PRKCA: variants seen among roughly 807,000 people sequenced by gnomAD.
PRKCA encodes protein kinase C alpha.
A neutral mutation model predicts 87.0 loss-of-function variants in PRKCA; 27 were observed. That is an observed-to-expected ratio of 0.31 (90% CI 0.23 to 0.43). PRKCA has a LOEUF of 0.43. Among genes scored for constraint, PRKCA ranks in the 20% least tolerant of loss-of-function variants. The pLI, the probability that PRKCA is intolerant of heterozygous loss-of-function variation, is 1.00. For synonymous variants in PRKCA, 329 were observed against 311.1 expected, an observed-to-expected ratio of 1.06 and a Z score of -0.61; for missense variants, 518 against 852.3, an observed-to-expected ratio of 0.61 and a Z score of 4.88.
chr17:66,535,934 A>C (rs1285688187), intron 3 of PRKCA, among the ~76,000 whole-genome samples: 3 of 152,238 alleles, frequency 2.0e-5, no homozygotes, highest in Non-Finnish European at 4.4e-5. Flanking sequence ...TCATGCCTGG[A>C]ACATACTGAA....
At chr17:66,620,896 G>C (rs1459004003) in intron 3 of PRKCA, among the ~76,000 whole-genome samples, 1 of 152,132 alleles carries the variant, frequency 6.6e-6, no homozygotes, top group Non-Finnish European at 1.5e-5. Flanking sequence ...TTTTATCATG[G>C]AGCATCTGAA....
chr17:66,639,381 A>C lies in PRKCA; in HGVS notation c.289-1974A>C, dbSNP rs538151013. 3.3e-5 allele frequency: 5 copies of C among 152,248 alleles called. No homozygotes were observed. In the South Asian group the frequency reaches 1.0e-3, roughly 32 times the overall value. The allele number at this position is 152,248 out of a possible 1,614,324, so 9.4% of individuals were successfully genotyped here. On this transcript the variant is annotated intron_variant, in intron 3 of 16. Transcript: ENST00000413366. ...CATCTAAGTAGAAGCTCAGAGCTCTACTATTATTTATTTATTTATTTTTTG... is the reference window on the plus strand; with the variant it reads ...CATCTAAGTAGAAGCTCAGAGCTCTCCTATTATTTATTTATTTATTTTTTG...
At chr17:66,414,447 G>A (rs1383222145) in intron 2 of PRKCA, among the ~76,000 whole-genome samples, 1 of 152,138 alleles carries the variant, frequency 6.6e-6, no homozygotes, top group African/African-American at 2.4e-5. Flanking sequence ...CTTCCTGTAC[G>A]GCCTGTGGAA....
intron 3 of PRKCA, among the ~76,000 whole-genome samples, chr17:66,612,381 CAAAAAAA>C (rs1200272317): frequency 5.7e-5 from 5 of 87,858 alleles, no homozygotes; most frequent in Non-Finnish European, 9.2e-5. Context: ...AAATCTGTCT[CAAAAAAA>C]AAAAAAAAAA....
intron 5 of PRKCA, among the ~76,000 whole-genome samples, chr17:66,666,324 C>T (rs766773792): frequency 7.2e-5 from 11 of 152,232 alleles, no homozygotes; most frequent in South Asian, 2.1e-4. Flanking sequence ...AAGTTAGAGG[C>T]GGCTGCTGTG....
intron 8 of PRKCA, among the ~76,000 whole-genome samples, chr17:66,701,061 A>G (rs1052698687): frequency 6.6e-6 from 1 of 152,164 alleles, no homozygotes; most frequent in African/African-American, 2.4e-5. Context: ...CACATCTATA[A>G]TAATCAACAC....
At chr17:66,367,222 G>A (rs960466217) in intron 2 of PRKCA, among the ~76,000 whole-genome samples, 30 of 152,230 alleles carry the variant, frequency 2.0e-4, no homozygotes, top group African/African-American at 7.0e-4. Flanking sequence ...GTGCTTTGTG[G>A]AAGTTGATGT....
chr17:66,373,491 C>T (rs1322363826), intron 2 of PRKCA, among the ~76,000 whole-genome samples: 1 of 152,194 alleles, frequency 6.6e-6, no homozygotes, highest in Non-Finnish European at 1.5e-5. Context: ...TTTAAAGGGC[C>T]TGTATGAATA....
At chr17:66,614,566 C>T (rs1329485486) in intron 3 of PRKCA, among the ~76,000 whole-genome samples, 1 of 152,202 alleles carries the variant, frequency 6.6e-6, no homozygotes, top group East Asian at 1.9e-4. Context: ...AACTCTTCCT[C>T]AGCCACTTAA....
intron 3 of PRKCA, among the ~76,000 whole-genome samples, chr17:66,546,040 T>C (rs1968135959): frequency 6.6e-6 from 1 of 152,246 alleles, no homozygotes; most frequent in Non-Finnish European, 1.5e-5. Flanking sequence ...TATCTGTGTC[T>C]TTAAGTCTAA....
intron 8 of PRKCA, among the ~76,000 whole-genome samples, chr17:66,699,037 T>C (rs1378973906): frequency 1.3e-5 from 2 of 148,842 alleles, no homozygotes; most frequent in African/African-American, 4.9e-5. Context: ...ATATGGACAG[T>C]AGAAAAGGTA....
intron 7 of PRKCA, 47 bp from the exon 8 acceptor site, chr17:66,688,904 G>T (rs376057546): frequency 2.4e-6 from 3 of 1,243,328 alleles, no homozygotes; most frequent in Admixed American, 3.6e-5. Context: ...TGCAGGAAAG[G>T]CTTGTTAAAC....
In PRKCA at chr17:66,404,615, C is replaced by A. The variant is rs1911237513; in HGVS notation, c.206-91586C>A. On this transcript the variant is annotated intron_variant, in intron 2 of 16. Transcript: ENST00000413366. ...AACCTGTTTGTCTTGTTAGCAACTA[C>A]CCAAATACGAAGAAGCAAGGCTGCA... is the stretch of plus-strand genomic sequence containing the variant. 2.0e-5 allele frequency among the ~76,000 whole-genome samples: 3 copies of A among 152,206 alleles called. No homozygotes were observed. In the South Asian group the frequency reaches 6.2e-4, roughly 32 times the overall value.
intron 3 of PRKCA, among the ~76,000 whole-genome samples, chr17:66,640,304 T>C (rs1432623828): frequency 6.6e-6 from 1 of 152,126 alleles, no homozygotes; most frequent in Non-Finnish European, 1.5e-5. Flanking sequence ...ACCACGATGG[T>C]CTTCTGTATA....
chr17:66,623,412 G>A (rs569811734), intron 3 of PRKCA, among the ~76,000 whole-genome samples: 2 of 152,308 alleles, frequency 1.3e-5, no homozygotes, highest in East Asian at 3.9e-4. Context: ...GAAGGAATGG[G>A]TGGAAAGCTG....
intron 3 of PRKCA, chr17:66,638,138 GTGTGTATA>G (rs1183161743): frequency 6.9e-6 from 1 of 144,972 alleles, no homozygotes; most frequent in African/African-American, 2.6e-5. Context: ...GTGTGTGTGT[GTGTGTATA>G]TATATATATA....
intron 1 of PRKCA, among the ~76,000 whole-genome samples, chr17:66,304,828 A>C (rs1393925971): frequency 6.6e-6 from 1 of 151,904 alleles, no homozygotes; most frequent in Non-Finnish European, 1.5e-5. Context: ...AGGCTATTTA[A>C]AATAAAAATT....
Position 66,795,971 on chromosome 17 carries a change from C to G in PRKCA, c.1854+6992C>G, listed in dbSNP as rs1345808908. On this transcript the variant is annotated intron_variant, in intron 16 of 16. Coordinates refer to ENST00000413366, the MANE Select transcript of PRKCA (RefSeq NM_002737.3). ...ACTCATCAACGGAATCAGCCTTCCT[C>G]CAGAAGAGAGTTTTCCCTTTCTGAG... Among the ~76,000 whole-genome samples the G allele has an allele frequency of 2.0e-5, 3 of 152,190 alleles. No homozygotes were observed. The South Asian group carries it at 6.2e-4, about 32-fold the overall frequency.
intron 2 of PRKCA, among the ~76,000 whole-genome samples, chr17:66,379,919 A>C (rs1454004840): frequency 1.3e-5 from 2 of 152,182 alleles, no homozygotes; most frequent in African/African-American, 4.8e-5. Context: ...ATCTTTAGTC[A>C]AGGATATTGA....
Sources: allele counts gnomAD v4.1 joint callset (sites outside exome capture counted in the v4.1 genomes callset), GRCh38; gene constraint gnomAD v4.1.1; transcripts MANE v1.5; gene names NCBI Gene and HGNC (gene_info 2026-07-23, HGNC 2026-07-21).